TNN: variants seen among roughly 807,000 people sequenced by gnomAD.
TNN encodes the protein tenascin-N.
TNN carries 122 observed loss-of-function variants against 134.4 expected under a neutral mutation model. That is an observed-to-expected ratio of 0.91 (90% confidence interval 0.78 to 1.06). The LOEUF (loss-of-function observed/expected upper bound fraction) is 1.06. Ranked by LOEUF, TNN falls within the 50% of genes least tolerant of loss-of-function variation. TNN has a pLI of 0.00. For synonymous variants in TNN, 710 were observed against 670.3 expected, an observed-to-expected ratio of 1.06 and a Z score of -0.91; for missense variants, 1,739 against 1,699.4, an observed-to-expected ratio of 1.02 and a Z score of -0.41.
intron 12 of TNN, among the ~76,000 whole-genome samples, chr1:175,126,104 CTT>C (rs11410834): frequency 3.8e-5 from 5 of 133,328 alleles, no homozygotes; most frequent in Non-Finnish European, 4.6e-5. Context: ...TTGTTTCTTT[CTT>C]TTTTTTTTTT....
chr1:175,106,644 G>A lies in TNN; in HGVS notation c.2119+8049G>A, dbSNP rs563341482. Among the ~76,000 whole-genome samples the A allele has an allele frequency of 2.0e-5, 3 of 146,582 alleles. 1 individual carries two copies. In the South Asian group the frequency reaches 6.8e-4, roughly 33 times the overall value. On this transcript the variant is annotated intron_variant, in intron 9 of 18. Coordinates refer to ENST00000239462, the MANE Select transcript of TNN (RefSeq NM_022093.2). ...TCTGGCAGGCATTAGGACCCAGAGG[G>A]CAAGGGTCAGGATAGATAGGATAGA...
At chr1:175,146,360 T>G (rs532661231) in intron 18 of TNN, among the ~76,000 whole-genome samples, 1 of 152,344 alleles carries the variant, frequency 6.6e-6, no homozygotes, top group Non-Finnish European at 1.5e-5. Context: ...ATTGGTCACT[T>G]GGGCTTTTTA....
At chr1:175,115,826 G>A (rs1675152946) in intron 9 of TNN, among the ~76,000 whole-genome samples, 1 of 152,188 alleles carries the variant, frequency 6.6e-6, no homozygotes, top group African/African-American at 2.4e-5. Flanking sequence ...CAGTGGTGAG[G>A]ACTGTAGGTG....
intron 1 of TNN, among the ~76,000 whole-genome samples, chr1:175,076,494 G>T (rs1051872189): frequency 1.3e-5 from 2 of 152,240 alleles, no homozygotes; most frequent in African/African-American, 2.4e-5. Flanking sequence ...AGCAGTGAGG[G>T]ACAGGTCCAT....
intron 1 of TNN, among the ~76,000 whole-genome samples, chr1:175,068,268 T>A (rs542438942): frequency 9.2e-5 from 14 of 152,324 alleles, no homozygotes; most frequent in Non-Finnish European, 1.5e-4. Context: ...ATGTTCCTTC[T>A]CATTTTTTTT....
At chr1:175,127,110 C>T in intron 13 of TNN, 25 bp downstream of exon 13, 1 of 1,607,628 alleles carries the variant, frequency 6.2e-7, no homozygotes, top group Non-Finnish European at 8.5e-7. Context: ...TGTCTTTTCT[C>T]CTGGTGCCTT....
At chr1:175,094,281 G>T in intron 7 of TNN, 28 bp downstream of exon 7, 3 of 1,521,288 alleles carry the variant, frequency 2.0e-6, no homozygotes, top group South Asian at 2.6e-5. Context: ...GCATAAATAG[G>T]TTTCCTCATG....
At chr1:175,134,373 C>T (rs1166540505) in intron 15 of TNN, among the ~76,000 whole-genome samples, 4 of 152,032 alleles carry the variant, frequency 2.6e-5, no homozygotes, top group Non-Finnish European at 4.4e-5. Flanking sequence ...GGTGAAACCC[C>T]GTCTCTACTG....
chr1:175,094,605 T>C (rs558482484), intron 7 of TNN, among the ~76,000 whole-genome samples: 1 of 152,368 alleles, frequency 6.6e-6, no homozygotes, highest in East Asian at 1.9e-4. Context: ...TTGCAGTGGC[T>C]GTGCAGGCAC....
At chr1:175,089,317 G>C (rs868718791) in intron 6 of TNN, among the ~76,000 whole-genome samples, 37 of 152,194 alleles carry the variant, frequency 2.4e-4, no homozygotes, top group African/African-American at 8.4e-4. Flanking sequence ...GAGGCACCCA[G>C]TGTAACTAAC....
intron 6 of TNN, among the ~76,000 whole-genome samples, chr1:175,092,016 T>C (rs901305498): frequency 7.2e-5 from 11 of 152,164 alleles, no homozygotes; most frequent in Non-Finnish European, 1.2e-4. Context: ...GAGGCACTGC[T>C]GGGACCTGGG....
chr1:175,132,281 A>G (rs1675694456), intron 15 of TNN, among the ~76,000 whole-genome samples: 1 of 152,188 alleles, frequency 6.6e-6, no homozygotes, highest in South Asian at 2.1e-4. Context: ...TTCTGACAGA[A>G]AGATAAGATT....
chr1:175,113,194 G>C (rs974021110), intron 9 of TNN, among the ~76,000 whole-genome samples: 2 of 151,962 alleles, frequency 1.3e-5, no homozygotes, highest in Non-Finnish European at 2.9e-5. Flanking sequence ...TCATCTTTTT[G>C]CTTCCAAACG....
At chr1:175,108,478 G>A (rs1674922635) in intron 9 of TNN, among the ~76,000 whole-genome samples, 1 of 152,260 alleles carries the variant, frequency 6.6e-6, no homozygotes, top group African/African-American at 2.4e-5. Context: ...CCCTTGGGTG[G>A]TCGATGGGAC....
intron 13 of TNN, 33 bp downstream of exon 13, chr1:175,127,118 C>T (rs1675550173): frequency 6.2e-7 from 1 of 1,603,758 alleles, no homozygotes; most frequent in Non-Finnish European, 8.5e-7. Context: ...CTCCTGGTGC[C>T]TTCTCTTCTG....
chr1:175,072,600 A>G (rs544392314), intron 1 of TNN, among the ~76,000 whole-genome samples: 1 of 152,262 alleles, frequency 6.6e-6, no homozygotes, highest in South Asian at 2.1e-4. Flanking sequence ...CTGTTAAACA[A>G]GGAGTCTCTT....
Position 175,136,873 on chromosome 1 carries a change from G to A in TNN, c.3480G>A (p.Val1160=). 6.2e-7 allele frequency: 1 copy of A among 1,614,212 alleles called. No homozygotes were observed. Among genetic ancestry groups the A allele is most frequent in the Non-Finnish European group, 8.5e-7 (1 of 1,180,024 alleles). The change falls in exon 17 of 19, where the codon GTG becomes GTA. Residue 1160 remains valine (V), a synonymous_variant. Coordinates refer to ENST00000239462, the MANE Select transcript of TNN (RefSeq NM_022093.2). The part of the protein sequence containing the change: ...LTTGTPARYE[V]RVDLQTANES... ...CCGGCACTCCAGCGCGGTATGAGGT[G>A]AGAGTGGATTTACAGACTGCCAATG...
Position 175,079,318 on chromosome 1 carries a change from T to C in TNN, c.410-15T>C, listed in dbSNP as rs1336934353. 1.9e-6 allele frequency: 3 copies of C among 1,574,356 alleles called. No individual in the cohort carries two copies. The African/African-American group carries it at 4.1e-5, about 21-fold the overall frequency. On this transcript the variant is annotated splice_polypyrimidine_tract_variant and intron_variant, in intron 2 of 18. Coordinates refer to ENST00000239462, the MANE Select transcript of TNN (RefSeq NM_022093.2). ...ACCCTTCAACCCAACCTACTGTTTC[T>C]CCTCTCCCTCCCAGATCTAAGCCGC...
chr1:175,107,516 A>C (rs1674891729), intron 9 of TNN, among the ~76,000 whole-genome samples: 1 of 146,536 alleles, frequency 6.8e-6, no homozygotes, highest in Non-Finnish European at 1.5e-5. Context: ...CTCAGGAGTG[A>C]AGCTGCAGAT....
Sources: allele counts gnomAD v4.1 joint callset (sites outside exome capture counted in the v4.1 genomes callset), GRCh38; gene constraint gnomAD v4.1.1; transcripts MANE v1.5; gene names NCBI Gene and HGNC (gene_info 2026-07-23, HGNC 2026-07-21).